ETFA: variants seen among roughly 807,000 people sequenced by gnomAD.
ETFA encodes electron transfer flavoprotein subunit alpha.
ETFA carries 22 observed loss-of-function variants against 46.2 expected under a neutral mutation model. That is an observed-to-expected ratio of 0.48 (90% CI 0.34 to 0.68). The LOEUF is 0.68. ETFA is among the 30% of genes least tolerant of loss of function. The probability of loss-of-function intolerance (pLI) is 0.01; values close to 1 mark genes in which losing one functional copy is unlikely to be tolerated. For missense variants in ETFA, 345 were observed against 401.1 expected, an observed-to-expected ratio of 0.86 and a Z score of 1.19; for synonymous variants, 131 against 139.9, an observed-to-expected ratio of 0.94 and a Z score of 0.45.
At chr15:76,264,544 T>C (rs1425096477) in intron 9 of ETFA, among the ~76,000 whole-genome samples, 2 of 152,214 alleles carry the variant, frequency 1.3e-5, no homozygotes, top group African/African-American at 2.4e-5. Flanking sequence ...ATTGATTTTA[T>C]TGCTTGGCTC....
At chr15:76,269,825 G>A (rs1361432338) in intron 9 of ETFA, among the ~76,000 whole-genome samples, 2 of 152,202 alleles carry the variant, frequency 1.3e-5, no homozygotes, top group Non-Finnish European at 2.9e-5. Flanking sequence ...GCCATGGACT[G>A]TGAGAAAATA....
chr15:76,259,205 G>A (rs1457790786), intron 9 of ETFA: 1 of 1,541,190 alleles, frequency 6.5e-7, no homozygotes, highest in Non-Finnish European at 9.0e-7. Context: ...GCAGCTCCAG[G>A]CTGCCTCCCA....
intron 9 of ETFA, among the ~76,000 whole-genome samples, chr15:76,269,678 A>C (rs1219879439): frequency 6.6e-6 from 1 of 152,190 alleles, no homozygotes; most frequent in Non-Finnish European, 1.5e-5. Flanking sequence ...GATCACCCCA[A>C]CAAAAAGCTA....
intron 9 of ETFA, among the ~76,000 whole-genome samples, chr15:76,239,300 C>G (rs57634299): frequency 0.038 from 5,711 of 152,184 alleles, 158 homozygotes; most frequent in South Asian, 0.12. Flanking sequence ...TTAAAGTATA[C>G]AATGTGATGT....
At chr15:76,305,625 G>A (rs2039932102) in intron 1 of ETFA, among the ~76,000 whole-genome samples, 1 of 152,056 alleles carries the variant, frequency 6.6e-6, no homozygotes. Flanking sequence ...ACTTCTTGTG[G>A]GCAGGATTTA....
intron 1 of ETFA, chr15:76,310,098 T>TAAAAAAAAAAAAAAAAAAAAAA (rs2039979482): frequency 1.7e-5 from 1 of 60,350 alleles, no homozygotes. Flanking sequence ...AAAAAAAAAT[T>TAAAAAAAAAAAAAAAAAAAAAA]AGCCAGGCGT....
chr15:76,310,772 A>G (rs2039989176), intron 1 of ETFA, among the ~76,000 whole-genome samples: 1 of 152,194 alleles, frequency 6.6e-6, no homozygotes, highest in African/African-American at 2.4e-5. Context: ...TACAAATACA[A>G]TCACCTAAAT....
chr15:76,298,304 A>G (rs527334411), intron 1 of ETFA, among the ~76,000 whole-genome samples: 1 of 152,310 alleles, frequency 6.6e-6, no homozygotes, highest in East Asian at 1.9e-4. Flanking sequence ...TCAGCCTCCC[A>G]AAGTGCTGAG....
chr15:76,291,503 T>C (rs1402025112), intron 4 of ETFA, among the ~76,000 whole-genome samples: 6 of 138,308 alleles, frequency 4.3e-5, no homozygotes, highest in African/African-American at 8.3e-5. Context: ...GTAATCCCAG[T>C]ACTTTGGGGG....
intron 9 of ETFA, chr15:76,258,911 T>A (rs1488893644): frequency 9.9e-7 from 1 of 1,014,102 alleles, no homozygotes; most frequent in Non-Finnish European, 1.5e-6. Context: ...TGGGCTGAGG[T>A]CAGACAGGGC....
At chr15:76,310,068 C>CCAAAAAAAAA (rs2039977519) in intron 1 of ETFA, 2 of 71,920 alleles carry the variant, frequency 2.8e-5, no homozygotes, top group East Asian at 3.4e-4. Context: ...CCCGTCTCTA[C>CCAAAAAAAAA]AAAAAAAAAA....
At chr15:76,275,945 T>C (rs2039586648) in intron 8 of ETFA, among the ~76,000 whole-genome samples, 1 of 152,130 alleles carries the variant, frequency 6.6e-6, no homozygotes, top group Non-Finnish European at 1.5e-5. Context: ...GTAATTGTAA[T>C]ACATGAGCAT....
chr15:76,300,258 A>G (rs979113526), intron 1 of ETFA, among the ~76,000 whole-genome samples: 4 of 152,164 alleles, frequency 2.6e-5, no homozygotes, highest in African/African-American at 9.7e-5. Context: ...TAAGTGCTTA[A>G]CTTGCCTGTC....
At chr15:76,217,455 TATC>T (rs1300758569) in intron 11 of ETFA, 2 of 326,556 alleles carry the variant, frequency 6.1e-6, no homozygotes, top group Non-Finnish European at 1.3e-5. Flanking sequence ...GAACATTCAA[TATC>T]ATCACTCTTT....
chr15:76,274,890 A>G (rs2039576999), intron 8 of ETFA, among the ~76,000 whole-genome samples: 4 of 152,230 alleles, frequency 2.6e-5, no homozygotes. Context: ...TATCAAATTC[A>G]CAAATAAAAT....
chr15:76,276,741 A>T (rs1167750732), intron 8 of ETFA, among the ~76,000 whole-genome samples: 2 of 152,146 alleles, frequency 1.3e-5, no homozygotes, highest in East Asian at 3.9e-4. Flanking sequence ...CCAGTCTACT[A>T]AGAAGTCCTT....
intron 8 of ETFA, 79 bp from the exon 9 acceptor site, chr15:76,274,573 A>G: frequency 4.4e-6 from 5 of 1,125,950 alleles, no homozygotes; most frequent in Non-Finnish European, 6.6e-6. Context: ...AACTGTAAAC[A>G]AAGACATTGA....
intron 9 of ETFA, among the ~76,000 whole-genome samples, chr15:76,240,570 T>A (rs1339870266): frequency 1.3e-5 from 2 of 152,332 alleles, no homozygotes; most frequent in African/African-American, 4.8e-5. Flanking sequence ...TAAAAGAATT[T>A]TTTTAAAACA....
In ETFA at chr15:76,273,553, CAAACAAAACA is replaced by C. The variant is rs144721416; in HGVS notation, c.816+849_816+858del. Among the ~76,000 whole-genome samples, 765 of 149,986 alleles carry C rather than the reference CAAACAAAACA, an allele frequency of 5.1e-3. 4 individuals carry two copies. The highest frequency in any genetic ancestry group is 0.014 in the African/African-American group (590 of 41,004). On this transcript the variant is annotated intron_variant, in intron 9 of 11. Coordinates refer to ENST00000557943, the MANE Select transcript of ETFA (RefSeq NM_000126.4). ...CTGGGTGACAGAGCAAGACTCATCT[CAAACAAAACA>C]AAACAAAACAAAACAAAACAAAAAA...
Sources: allele counts gnomAD v4.1 joint callset (sites outside exome capture counted in the v4.1 genomes callset), GRCh38; gene constraint gnomAD v4.1.1; transcripts MANE v1.5; gene names NCBI Gene and HGNC (gene_info 2026-07-23, HGNC 2026-07-21).